ANK2: variants seen among roughly 807,000 people sequenced by gnomAD.
ANK2 encodes ankyrin 2, also known as ankyrin-2.
A neutral mutation model predicts 360.5 loss-of-function variants in ANK2; 83 were observed. The ratio of observed to expected loss-of-function variants is 0.23; its 90% CI spans 0.19 to 0.28. ANK2 has a LOEUF of 0.28. ANK2 is among the 10% of genes least tolerant of loss of function. The probability of loss-of-function intolerance (pLI) is 1.00; values close to 1 mark genes in which losing one functional copy is unlikely to be tolerated. For missense variants in ANK2, 4,201 were observed against 4,795.7 expected (o/e 0.88, Z 3.66); for synonymous variants, 1,740 against 1,759.5 (o/e 0.99, Z 0.28).
chr4:113,183,809 G>A (rs1366212196), intron 2 of ANK2, among the ~76,000 whole-genome samples: 5 of 151,968 alleles, frequency 3.3e-5, no homozygotes, highest in Admixed American at 2.0e-4. Flanking sequence ...AACACCTGGA[G>A]TTTTGGAAGA....
intron 1 of ANK2, among the ~76,000 whole-genome samples, chr4:112,854,491 G>T (rs746278373): frequency 1.5e-4 from 23 of 152,154 alleles, no homozygotes; most frequent in Non-Finnish European, 2.5e-4. Flanking sequence ...TAGTATGGAT[G>T]GTGGCAGGGA....
intron 1 of ANK2, among the ~76,000 whole-genome samples, chr4:113,161,940 C>T (rs1458962907): frequency 6.6e-6 from 1 of 152,152 alleles, no homozygotes; most frequent in Non-Finnish European, 1.5e-5. Flanking sequence ...CCAGAGGTCA[C>T]TCTATGGCCT....
chr4:113,208,642 C>T lies in ANK2; in HGVS notation c.384+9533C>T, dbSNP rs1198508414. Among the ~76,000 whole-genome samples, 3 of 152,030 alleles carry T rather than the reference C, an allele frequency of 2.0e-5. No homozygotes were observed. In the East Asian group the frequency reaches 5.8e-4, roughly 29 times the overall value. ...TCAGCTTTCTGAGTAGCTAGGACTA[C>T]AAACATGCACCAACATGCTGAACTA... On this transcript the variant is annotated intron_variant, in intron 4 of 45. Coordinates refer to ENST00000357077, the MANE Select transcript of ANK2 (RefSeq NM_001148.6).
At chr4:113,121,260 G>A (rs1324045281) in intron 1 of ANK2, among the ~76,000 whole-genome samples, 1 of 152,138 alleles carries the variant, frequency 6.6e-6, no homozygotes, top group Admixed American at 6.6e-5. Context: ...CAAGTAGCAT[G>A]TGGCAGAGTT....
At chr4:113,068,077 T>A (rs2076252280) in intron 1 of ANK2, among the ~76,000 whole-genome samples, 1 of 152,200 alleles carries the variant, frequency 6.6e-6, no homozygotes, top group Non-Finnish European at 1.5e-5. Flanking sequence ...ACATAGCATC[T>A]CTCTCTATGG....
rs1337632728 is a variant in ANK2, at chr4:113,112,377, A to C, written c.85-62039A>C. Among the ~76,000 whole-genome samples, 10 of 152,156 alleles carry C rather than the reference A, an allele frequency of 6.6e-5. 1 individual carries two copies. Among genetic ancestry groups the C allele is most frequent in the Non-Finnish European group, 8.8e-5 (6 of 68,030 alleles). On this transcript the variant is annotated intron_variant, in intron 1 of 45. Coordinates refer to ENST00000357077, the MANE Select transcript of ANK2 (RefSeq NM_001148.6). ...GGCTGTTGCACACTCATCTTTGTCC[A>C]TTTGGGAATGAGTGATTGAGGCTGG... is the stretch of plus-strand genomic sequence containing the variant.
Position 113,082,055 on chromosome 4 carries a change from C to T in ANK2, c.84+32243C>T, listed in dbSNP as rs143568807. Among the ~76,000 whole-genome samples the T allele has an allele frequency of 1.6e-3, 237 of 152,204 alleles. 3 individuals are homozygous for T. Among genetic ancestry groups the T allele is most frequent in the African/African-American group, 5.2e-3 (217 of 41,542 alleles). On this transcript the variant is annotated intron_variant, in intron 1 of 45. Transcript: ENST00000357077. ...AACTTCTGACCTCAGGTGATCCGCC[C>T]GTCTCGGCCTCCCAGAGTGCTGGGA...
chr4:113,302,170 A>G (rs1056706582), intron 22 of ANK2, among the ~76,000 whole-genome samples: 3 of 152,210 alleles, frequency 2.0e-5, no homozygotes, highest in Admixed American at 1.3e-4. Flanking sequence ...TACACTGTAC[A>G]TGAGGAATGA....
intron 1 of ANK2, among the ~76,000 whole-genome samples, chr4:113,053,652 G>T (rs952523305): frequency 2.6e-5 from 4 of 152,272 alleles, no homozygotes; most frequent in African/African-American, 9.6e-5. Context: ...GGAGTACAGT[G>T]GTGTGATCAT....
Position 113,317,751 on chromosome 4 carries a change from C to T in ANK2, c.2738C>T (p.Ala913Val), listed in dbSNP as rs2153836423. ...SSDRSHTLSH[A>V]SYLRDSAVMD... ...GACAGGTCTCACACTCTGAGCCATG[C>T]CTCCTACCTGAGGGACAGTGCCGTG... The change falls in exon 25 of 46, where the codon GCC becomes GTC. Residue 913 changes from alanine (A) to valine (V), a missense_variant. This residue lies in a region of ANK2 where 1,268 missense variants were observed against 1,650.8 expected (regional missense o/e 0.77). Transcript: ENST00000357077. 1 of 1,614,148 alleles carries T rather than the reference C, an allele frequency of 6.2e-7. No homozygotes were observed. Among genetic ancestry groups the T allele is most frequent in the Non-Finnish European group, 8.5e-7 (1 of 1,180,008 alleles).
the ANK2 span, among the ~76,000 whole-genome samples, chr4:112,734,515 G>C: frequency 6.6e-6 from 1 of 152,172 alleles, no homozygotes; most frequent in African/African-American, 2.4e-5. Context: ...ATCCCTGTTA[G>C]GGGTGTATAA....
upstream of ANK2, among the ~76,000 whole-genome samples, chr4:113,045,748 C>T (rs1331628390): frequency 6.6e-6 from 1 of 152,092 alleles, no homozygotes; most frequent in East Asian, 1.9e-4. Context: ...GCTATTGTGC[C>T]TGCAGCAACT....
chr4:112,735,981 G>A, the ANK2 span, among the ~76,000 whole-genome samples: 2 of 151,952 alleles, frequency 1.3e-5, no homozygotes, highest in Non-Finnish European at 2.9e-5. Context: ...TATATTTGTA[G>A]TCTACTTAGG....
chr4:113,297,003 TC>T (rs996674692), intron 22 of ANK2, among the ~76,000 whole-genome samples: 3 of 152,166 alleles, frequency 2.0e-5, no homozygotes, highest in Admixed American at 6.5e-5. Flanking sequence ...AGGGAATAGT[TC>T]AGTAAACTCA....
Position 113,255,327 on chromosome 4 carries a change from C to T in ANK2, c.991-408C>T, listed in dbSNP as rs185786676. Among the ~76,000 whole-genome samples the T allele has an allele frequency of 4.9e-3, 743 of 152,276 alleles. 5 individuals carry two copies. The highest frequency in any genetic ancestry group is 9.2e-3 in the Non-Finnish European group (623 of 68,026). On this transcript the variant is annotated intron_variant, in intron 10 of 45. Coordinates refer to ENST00000357077, the MANE Select transcript of ANK2 (RefSeq NM_001148.6). ...ACCTGCCCACTTGCTTCTCATTCAC[C>T]CACTTCCCTCTGTATTTATAAGAAA... is the stretch of plus-strand genomic sequence containing the variant.
At chr4:113,021,492 T>G (rs1251426432) in intron 2 of ANK2, among the ~76,000 whole-genome samples, 4 of 144,188 alleles carry the variant, frequency 2.8e-5, no homozygotes, top group Admixed American at 2.1e-4. Flanking sequence ...TATGTGTATG[T>G]GTATGTATAT....
intron 1 of ANK2, among the ~76,000 whole-genome samples, chr4:112,854,751 G>A (rs2065914523): frequency 6.6e-6 from 1 of 152,136 alleles, no homozygotes; most frequent in South Asian, 2.1e-4. Flanking sequence ...GTTCATAGTG[G>A]ATATGTAGTT....
At position 113,314,196 on chromosome 4, in the gene ANK2, T is replaced by G. The variant is rs529562297; in HGVS notation, c.2693+2797T>G. On this transcript the variant is annotated intron_variant, in intron 24 of 45. Coordinates refer to ENST00000357077, the MANE Select transcript of ANK2 (RefSeq NM_001148.6). ...TTTTATTTTATTGTAGCTTACAAATTAAAAATGCTTTCCAAATTCAATGTA... is the reference window on the plus strand; with the variant it reads ...TTTTATTTTATTGTAGCTTACAAATGAAAAATGCTTTCCAAATTCAATGTA... Among the ~76,000 whole-genome samples the G allele has an allele frequency of 7.9e-5, 12 of 152,338 alleles. No homozygotes were observed. In the South Asian group the frequency reaches 2.5e-3, roughly 32 times the overall value.
At chr4:112,706,465 G>A in the ANK2 span, among the ~76,000 whole-genome samples, 1 of 152,010 alleles carries the variant, frequency 6.6e-6, no homozygotes, top group Non-Finnish European at 1.5e-5. Flanking sequence ...AACCAGACGT[G>A]TAACTTCTGA....
Sources: allele counts gnomAD v4.1 joint callset (sites outside exome capture counted in the v4.1 genomes callset), GRCh38; gene constraint gnomAD v4.1.1; regional missense constraint gnomAD v4.1.1; transcripts MANE v1.5; gene names NCBI Gene and HGNC (gene_info 2026-07-23, HGNC 2026-07-21).